The following GPHN variants were observed in gnomAD, a reference collection of about 807,000 sequenced individuals.
GPHN encodes gephyrin.
A neutral mutation model predicts 95.5 loss-of-function variants in GPHN; 17 were observed. That is an observed-to-expected ratio of 0.18 (90% CI 0.12 to 0.27). GPHN has a LOEUF of 0.27. Among genes scored for constraint, GPHN ranks in the 10% least tolerant of loss-of-function variants. The pLI is 1.00. For synonymous variants in GPHN, 320 were observed against 322.5 expected (o/e 0.99, Z 0.08); for missense variants, 660 against 978.1 (o/e 0.67, Z 4.34).
chr14:67,501,044 TTAATAATAA>T, the GPHN span, among the ~76,000 whole-genome samples: 1,821 of 137,366 alleles, frequency 0.013, 17 homozygotes, highest in Non-Finnish European at 0.021. Flanking sequence ...TACTTGGGGG[TTAATAATAA>T]TAATAATAAT....
chr14:67,561,077 C>T, the GPHN span, among the ~76,000 whole-genome samples: 1 of 152,158 alleles, frequency 6.6e-6, no homozygotes, highest in Non-Finnish European at 1.5e-5. Flanking sequence ...TGGTTCACAC[C>T]TGCAGGAGGG....
intron 9 of GPHN, chr14:66,996,123 C>G: frequency 7.7e-7 from 1 of 1,302,262 alleles, no homozygotes; most frequent in Non-Finnish European, 1.1e-6. Context: ...GTGACCCTTA[C>G]TATGCTATCC....
intron 2 of GPHN, among the ~76,000 whole-genome samples, chr14:66,697,428 A>T (rs181404067): frequency 6.6e-6 from 1 of 152,274 alleles, no homozygotes; most frequent in East Asian, 1.9e-4. Flanking sequence ...ATTTTGGATA[A>T]TTGTTGTATA....
intron 7 of GPHN, 113 bp downstream of exon 7, chr14:66,923,051 T>A: frequency 1.1e-6 from 1 of 890,374 alleles, no homozygotes; most frequent in South Asian, 1.4e-5. Context: ...CAGAGAACCC[T>A]AAAAAAATAA....
intron 4 of GPHN, among the ~76,000 whole-genome samples, chr14:66,833,159 T>C (rs1200810918): frequency 6.6e-6 from 1 of 152,176 alleles, no homozygotes; most frequent in Admixed American, 6.6e-5. Context: ...AGAAAGAGGC[T>C]TAATTGACTC....
chr14:67,545,989 T>G, the GPHN span, among the ~76,000 whole-genome samples: 1 of 151,268 alleles, frequency 6.6e-6, no homozygotes, highest in Non-Finnish European at 1.5e-5. Flanking sequence ...ATTACAACAG[T>G]TAGAACCATT....
At chr14:67,287,550 A>C in the GPHN span, among the ~76,000 whole-genome samples, 1 of 152,236 alleles carries the variant, frequency 6.6e-6, no homozygotes, top group Non-Finnish European at 1.5e-5. Context: ...AAGATTGATA[A>C]TTCTTAAATT....
chr14:67,557,616 T>C, the GPHN span, among the ~76,000 whole-genome samples: 1 of 152,196 alleles, frequency 6.6e-6, no homozygotes, highest in Non-Finnish European at 1.5e-5. Context: ...AGGCAGGGGA[T>C]AGAGTAGAAA....
intron 12 of GPHN, among the ~76,000 whole-genome samples, chr14:67,093,418 A>C (rs748265161): frequency 3.3e-5 from 5 of 152,010 alleles, no homozygotes; most frequent in Non-Finnish European, 1.5e-5. Context: ...ATCATATTTC[A>C]GGGCTTTTGT....
At chr14:66,715,795 T>C (rs1309658807) in intron 2 of GPHN, among the ~76,000 whole-genome samples, 2 of 152,130 alleles carry the variant, frequency 1.3e-5, no homozygotes, top group Non-Finnish European at 2.9e-5. Context: ...GTTTTGAATG[T>C]TTCTTTTGGA....
chr14:67,356,346 G>A, the GPHN span, among the ~76,000 whole-genome samples: 1 of 151,592 alleles, frequency 6.6e-6, no homozygotes, highest in East Asian at 1.9e-4. Context: ...ACTTGAACCT[G>A]GCAGGCAGAG....
the GPHN span, among the ~76,000 whole-genome samples, chr14:67,275,154 G>A: frequency 1.3e-5 from 2 of 152,126 alleles, no homozygotes; most frequent in Non-Finnish European, 2.9e-5. Flanking sequence ...TTCCAACACT[G>A]TGTTGAATAG....
chr14:67,728,710 G>GGGC, the GPHN span, among the ~76,000 whole-genome samples: 1 of 150,980 alleles, frequency 6.6e-6, no homozygotes, highest in African/African-American at 2.4e-5. Flanking sequence ...TTGTGGGGGG[G>GGGC]GGGTGTTAAT....
At chr14:67,623,964 T>C in the GPHN span, among the ~76,000 whole-genome samples, 1 of 152,114 alleles carries the variant, frequency 6.6e-6, no homozygotes, top group Non-Finnish European at 1.5e-5. Context: ...CTTTAGCCTC[T>C]TGAGTAGCTG....
the GPHN span, among the ~76,000 whole-genome samples, chr14:67,462,575 C>G: frequency 1.3e-5 from 2 of 152,204 alleles, no homozygotes; most frequent in African/African-American, 4.8e-5. Flanking sequence ...AACTCCTGAG[C>G]TCAGGCAATC....
chr14:67,395,607 G>A, the GPHN span: 1 of 1,610,854 alleles, frequency 6.2e-7, no homozygotes, highest in African/African-American at 1.3e-5. Flanking sequence ...GAGCCAGTCA[G>A]GCCAGCACTC....
At chr14:67,048,706 C>A (rs2075153116) in intron 10 of GPHN, among the ~76,000 whole-genome samples, 1 of 152,128 alleles carries the variant, frequency 6.6e-6, no homozygotes, top group South Asian at 2.1e-4. Context: ...GCTAGTCTAC[C>A]TGCAAATTAA....
At chr14:66,915,785 T>G (rs1485770343) in intron 5 of GPHN, among the ~76,000 whole-genome samples, 1 of 152,132 alleles carries the variant, frequency 6.6e-6, no homozygotes, top group Non-Finnish European at 1.5e-5. Context: ...GATTCCACAT[T>G]CAGTACATTT....
chr14:66,525,501 A>G (rs1430778283), intron 1 of GPHN, among the ~76,000 whole-genome samples: 1 of 151,976 alleles, frequency 6.6e-6, no homozygotes, highest in Non-Finnish European at 1.5e-5. Context: ...GTTTAATTAG[A>G]TCCCATTTGT....
Sources: gnomAD v4.1 joint callset for allele counts (sites outside exome capture counted in the v4.1 genomes callset) on GRCh38, gnomAD v4.1.1 for gene constraint, MANE v1.5 for transcripts, NCBI Gene and HGNC (gene_info 2026-07-23, HGNC 2026-07-21) for gene names.